Variants in PPP1R9A observed in about 807,000 individuals in gnomAD.
PPP1R9A encodes the protein protein phosphatase 1 regulatory subunit 9A, also known as neurabin-1.
A neutral mutation model predicts 141.9 loss-of-function variants in PPP1R9A; 59 were observed. That is an observed-to-expected ratio of 0.42 (90% CI 0.34 to 0.52). PPP1R9A has a LOEUF of 0.52. Among genes scored for constraint, PPP1R9A ranks in the 20% least tolerant of loss-of-function variants. The pLI is 0.10. For missense variants in PPP1R9A, 1,444 were observed against 1,611.9 expected (o/e 0.90, Z 1.78); for synonymous variants, 500 against 569.7 (o/e 0.88, Z 1.74).
intron 12 of PPP1R9A, among the ~76,000 whole-genome samples, chr7:95,262,156 A>G (rs1318360180): frequency 6.6e-6 from 1 of 152,174 alleles, no homozygotes. Flanking sequence ...AAAACACAGA[A>G]TCTTGCTTAT....
intron 4 of PPP1R9A, among the ~76,000 whole-genome samples, chr7:95,138,881 G>T (rs551173163): frequency 6.6e-6 from 1 of 152,154 alleles, no homozygotes; most frequent in Non-Finnish European, 1.5e-5. Context: ...GAAGTGAAAC[G>T]CTCCCTTATG....
At chr7:95,064,452 AT>A (rs1812678396) in intron 2 of PPP1R9A, among the ~76,000 whole-genome samples, 1 of 152,202 alleles carries the variant, frequency 6.6e-6, no homozygotes, top group African/African-American at 2.4e-5. Flanking sequence ...TGCATAGGAG[AT>A]ATTCTCAACA....
At chr7:95,100,472 G>A (rs542324982) in intron 2 of PPP1R9A, among the ~76,000 whole-genome samples, 8 of 152,246 alleles carry the variant, frequency 5.3e-5, no homozygotes, top group East Asian at 3.9e-4. Flanking sequence ...AGTAAGCAGC[G>A]TAAGTTGTGT....
At position 95,259,630 on chromosome 7, in the gene PPP1R9A, A is replaced by G. The variant is rs115960267; in HGVS notation, c.2665+7500A>G. 3.1e-3 allele frequency among the ~76,000 whole-genome samples: 467 copies of G among 152,172 alleles called. 3 individuals carry two copies. The highest frequency in any genetic ancestry group is 0.011 in the African/African-American group (454 of 41,536). On this transcript the variant is annotated intron_variant, in intron 12 of 19. Transcript: ENST00000433360. ...GGCCAGACCCCTACCACCATATCTG[A>G]TTTATTTCCTGATAGAGTTTGAGAG...
At chr7:94,963,722 T>C (rs1383425548) in intron 2 of PPP1R9A, among the ~76,000 whole-genome samples, 1 of 152,204 alleles carries the variant, frequency 6.6e-6, no homozygotes, top group Admixed American at 6.5e-5. Flanking sequence ...TTTGATTTTT[T>C]GAAGTTTTGA....
chr7:95,118,322 T>C (rs1469597684), intron 3 of PPP1R9A, among the ~76,000 whole-genome samples: 4 of 152,134 alleles, frequency 2.6e-5, no homozygotes, highest in Admixed American at 1.3e-4. Flanking sequence ...TTTGAATAAA[T>C]AGGAGAAATC....
chr7:95,108,302 C>CGTTTCTTTTT lies in PPP1R9A; in HGVS notation c.1396-2957_1396-2956insGTTTCTTTTT, dbSNP rs1204011323. ...TTTTCTTTTCTTTTCTTTTTCGTTTCTTTTCTTTTTTTTTTTTTTTTTTTT... is the reference window on the plus strand; with the variant it reads ...TTTTCTTTTCTTTTCTTTTTCGTTTCGTTTCTTTTTTTTTCTTTTTTTTTTTTTTTTTTTT... On this transcript the variant is annotated intron_variant, in intron 2 of 19. Coordinates refer to ENST00000433360, the MANE Select transcript of PPP1R9A (RefSeq NM_001166160.2). Among the ~76,000 whole-genome samples the CGTTTCTTTTT allele has an allele frequency of 4.7e-4, 32 of 68,754 alleles. 1 individual carries two copies. The highest frequency in any genetic ancestry group is 5.9e-4 in the African/African-American group (11 of 18,706). The allele number at this position is 68,754 out of a possible 152,430, so 45.1% of individuals were successfully genotyped here. A position where few individuals can be genotyped will look rare whatever the true frequency, so the allele number is the denominator to read the frequency against.
At chr7:95,094,783 G>A (rs959886927) in intron 2 of PPP1R9A, among the ~76,000 whole-genome samples, 2 of 148,938 alleles carry the variant, frequency 1.3e-5, no homozygotes, top group African/African-American at 4.9e-5. Context: ...GGGAGGCTGA[G>A]GCAGGAGAAT....
chr7:95,064,408 G>A (rs1812672330), intron 2 of PPP1R9A, among the ~76,000 whole-genome samples: 1 of 152,128 alleles, frequency 6.6e-6, no homozygotes, highest in Admixed American at 6.6e-5. Context: ...CAACCTTCTT[G>A]CACTTAGGAA....
chr7:95,174,533 C>T (rs1388585115), intron 5 of PPP1R9A, among the ~76,000 whole-genome samples: 7 of 152,026 alleles, frequency 4.6e-5, no homozygotes, highest in African/African-American at 1.2e-4. Flanking sequence ...CTCAGTAAAA[C>T]TGAATTTTAA....
chr7:95,061,499 G>A (rs1812222945), intron 2 of PPP1R9A, among the ~76,000 whole-genome samples: 1 of 152,190 alleles, frequency 6.6e-6, no homozygotes, highest in Non-Finnish European at 1.5e-5. Flanking sequence ...ACTTCAGGAG[G>A]CCAAGGCAGG....
At chr7:95,108,471 C>T (rs868704325) in intron 2 of PPP1R9A, among the ~76,000 whole-genome samples, 10 of 151,466 alleles carry the variant, frequency 6.6e-5, no homozygotes, top group South Asian at 2.1e-4. Flanking sequence ...CCACCACACC[C>T]GGCTAATTTT....
chr7:95,122,824 A>C (rs564154090), intron 4 of PPP1R9A, among the ~76,000 whole-genome samples: 1 of 152,284 alleles, frequency 6.6e-6, no homozygotes, highest in African/African-American at 2.4e-5. Flanking sequence ...TCCAGTTATT[A>C]ATTTACCACC....
intron 4 of PPP1R9A, among the ~76,000 whole-genome samples, chr7:95,126,887 T>C (rs967838972): frequency 2.6e-5 from 4 of 152,204 alleles, no homozygotes; most frequent in Non-Finnish European, 5.9e-5. Context: ...TTTAATACTC[T>C]GCTGGCTCAT....
At chr7:95,117,778 A>G (rs1354246156) in intron 3 of PPP1R9A, among the ~76,000 whole-genome samples, 1 of 152,142 alleles carries the variant, frequency 6.6e-6, no homozygotes, top group African/African-American at 2.4e-5. Flanking sequence ...GATAAGTTAT[A>G]CTGAAGAGAA....
Position 95,290,196 on chromosome 7 carries a change from A to G in PPP1R9A, c.4018A>G (p.Lys1340Glu), listed in dbSNP as rs1250359256. 3 of 1,613,824 alleles carry G rather than the reference A, an allele frequency of 1.9e-6. No homozygotes were observed. The highest frequency in any genetic ancestry group is 2.5e-6 in the Non-Finnish European group (3 of 1,179,960). ...KARKAQEKME[K>E]QREKLRRKEQ... ...TCGGAAGGCCCAAGAGAAAATGGAAAAACAAAGAGAAAAGCTAAGGAGAAA... is the reference window on the plus strand; with the variant it reads ...TCGGAAGGCCCAAGAGAAAATGGAAGAACAAAGAGAAAAGCTAAGGAGAAA... Residue 1340 changes from lysine (K) to glutamate (E), a missense_variant, in exon 20 of 20, where the codon AAA becomes GAA. Transcript: ENST00000433360.
intron 2 of PPP1R9A, among the ~76,000 whole-genome samples, chr7:95,076,716 T>G: frequency 6.6e-6 from 1 of 152,072 alleles, no homozygotes; most frequent in Admixed American, 6.5e-5. Flanking sequence ...TCCATTGGAG[T>G]TTCTGAGTTC....
At chr7:95,121,280 A>G (rs184485235) in intron 4 of PPP1R9A, among the ~76,000 whole-genome samples, 1 of 152,312 alleles carries the variant, frequency 6.6e-6, no homozygotes. Flanking sequence ...GTTTCTCCAA[A>G]TATATTTATG....
chr7:95,212,560 C>T (rs1792352767), intron 7 of PPP1R9A, among the ~76,000 whole-genome samples: 1 of 152,118 alleles, frequency 6.6e-6, no homozygotes, highest in Admixed American at 6.5e-5. Flanking sequence ...GTCATTTAAT[C>T]AGATAAGATC....
Sources: gnomAD v4.1 joint callset for allele counts (sites outside exome capture counted in the v4.1 genomes callset) on GRCh38, gnomAD v4.1.1 for gene constraint, MANE v1.5 for transcripts, NCBI Gene and HGNC (gene_info 2026-07-23, HGNC 2026-07-21) for gene names.